ADAMTSL1: variants seen among roughly 807,000 people sequenced by gnomAD.
ADAMTSL1 encodes ADAMTS-like protein 1.
In ADAMTSL1, 126 loss-of-function variants were observed where a neutral mutation model predicts 201.8. The ratio of observed to expected loss-of-function variants is 0.62; its 90% CI spans 0.54 to 0.72. The LOEUF is 0.72. Ranked by LOEUF, ADAMTSL1 falls within the 30% of genes least tolerant of loss-of-function variation. The pLI is 0.00. For missense variants in ADAMTSL1, 2,679 were observed against 2,277.8 expected, an observed-to-expected ratio of 1.18 and a Z score of -3.59; for synonymous variants, 1,121 against 903.4, an observed-to-expected ratio of 1.24 and a Z score of -4.32.
chr9:18,448,618 A>G (rs1820287719), intron 2 of ADAMTSL1, among the ~76,000 whole-genome samples: 1 of 152,210 alleles, frequency 6.6e-6, no homozygotes, highest in Non-Finnish European at 1.5e-5. Flanking sequence ...TGTTTCTGCT[A>G]GAATGTAAAT....
At chr9:18,247,904 G>A (rs1409750618) in intron 2 of ADAMTSL1, among the ~76,000 whole-genome samples, 1 of 151,962 alleles carries the variant, frequency 6.6e-6, no homozygotes, top group African/African-American at 2.4e-5. Context: ...GGATACTAAG[G>A]TAGGAAGCTG....
intron 4 of ADAMTSL1, among the ~76,000 whole-genome samples, chr9:18,577,990 T>C (rs961220186): frequency 1.3e-5 from 2 of 151,402 alleles, no homozygotes; most frequent in Non-Finnish European, 1.5e-5. Flanking sequence ...TTTTCTCTTT[T>C]TTTTTTTTTT....
intron 1 of ADAMTSL1, among the ~76,000 whole-genome samples, chr9:17,944,518 G>A (rs1424237335): frequency 6.6e-6 from 1 of 151,564 alleles, no homozygotes; most frequent in Non-Finnish European, 1.5e-5. Context: ...TCAATCCTAA[G>A]CCAAAAGAAC....
intron 2 of ADAMTSL1, among the ~76,000 whole-genome samples, chr9:18,168,573 C>A (rs1045220276): frequency 1.4e-3 from 210 of 151,560 alleles, no homozygotes; most frequent in South Asian, 1.7e-3. Flanking sequence ...GTGAATAATG[C>A]CGCACTAAAC....
At chr9:18,681,255 C>A (rs950225880) in intron 11 of ADAMTSL1, 1 of 152,354 alleles carries the variant, frequency 6.6e-6, no homozygotes, top group South Asian at 2.1e-4. Context: ...ACATGGGGAA[C>A]CATTAGAGGT....
intron 1 of ADAMTSL1, among the ~76,000 whole-genome samples, chr9:18,100,295 T>G (rs563353064): frequency 1.3e-5 from 2 of 152,236 alleles, no homozygotes; most frequent in South Asian, 4.2e-4. Context: ...CTGTTTTTGT[T>G]TTTGAGAGTC....
chr9:18,488,027 A>G (rs1180067166), intron 1 of ADAMTSL1, among the ~76,000 whole-genome samples: 3 of 152,244 alleles, frequency 2.0e-5, no homozygotes, highest in Admixed American at 1.3e-4. Context: ...ACTTCAGTCT[A>G]TAGCATCTTA....
intron 2 of ADAMTSL1, among the ~76,000 whole-genome samples, chr9:18,212,760 C>T (rs539658072): frequency 6.6e-5 from 10 of 152,242 alleles, no homozygotes; most frequent in Admixed American, 2.6e-4. Flanking sequence ...CAACTTCTAG[C>T]TCTAGGGTGC....
At chr9:18,265,125 A>T (rs909865833) in intron 2 of ADAMTSL1, among the ~76,000 whole-genome samples, 6 of 152,164 alleles carry the variant, frequency 3.9e-5, no homozygotes, top group African/African-American at 1.2e-4. Flanking sequence ...AGGCACTTTA[A>T]ATTCTAGAGC....
At chr9:18,418,498 TTAAG>T (rs1350181481) in intron 2 of ADAMTSL1, among the ~76,000 whole-genome samples, 3 of 152,268 alleles carry the variant, frequency 2.0e-5, no homozygotes, top group South Asian at 2.1e-4. Context: ...TACTAGAAGT[TTAAG>T]TGAGTATAGC....
At chr9:17,933,467 A>G (rs1826882799) in intron 1 of ADAMTSL1, among the ~76,000 whole-genome samples, 1 of 152,134 alleles carries the variant, frequency 6.6e-6, no homozygotes, top group South Asian at 2.1e-4. Context: ...TACCACACCC[A>G]TGGATGGATT....
At chr9:18,206,263 C>T (rs1240377991) in intron 2 of ADAMTSL1, among the ~76,000 whole-genome samples, 1 of 151,910 alleles carries the variant, frequency 6.6e-6, no homozygotes, top group African/African-American at 2.4e-5. Flanking sequence ...TCCTTGCCTT[C>T]TTTGATTTGA....
intron 11 of ADAMTSL1, 115 bp from the exon 12 acceptor site, chr9:18,681,697 T>TGTGTCGGG: frequency 4.2e-6 from 1 of 238,090 alleles, no homozygotes; most frequent in Non-Finnish European, 6.6e-6. Flanking sequence ...AGTCCTCGTG[T>TGTGTCGGG]GGGGGGGGGG....
intron 1 of ADAMTSL1, among the ~76,000 whole-genome samples, chr9:18,159,302 C>G (rs1827288049): frequency 6.6e-6 from 1 of 152,108 alleles, no homozygotes; most frequent in Admixed American, 6.6e-5. Context: ...AATGTTGAAA[C>G]CTAAGTCCTA....
chr9:18,434,094 C>T (rs1224386766), intron 2 of ADAMTSL1, among the ~76,000 whole-genome samples: 1 of 152,192 alleles, frequency 6.6e-6, no homozygotes, highest in Admixed American at 6.5e-5. Flanking sequence ...ATAGCTTCAG[C>T]AGCTTAGAAA....
chr9:18,652,792 T>C (rs1384614272), intron 7 of ADAMTSL1, among the ~76,000 whole-genome samples: 1 of 152,194 alleles, frequency 6.6e-6, no homozygotes, highest in Non-Finnish European at 1.5e-5. Flanking sequence ...TTGAGGAGCA[T>C]CTGTAACCAA....
At chr9:17,913,760 T>C (rs1248269037) in intron 1 of ADAMTSL1, among the ~76,000 whole-genome samples, 1 of 151,848 alleles carries the variant, frequency 6.6e-6, no homozygotes, top group Non-Finnish European at 1.5e-5. Flanking sequence ...ATCAACAAAA[T>C]TGATAGACCG....
At chr9:18,713,249 A>T (rs1490864066) in intron 14 of ADAMTSL1, among the ~76,000 whole-genome samples, 3 of 152,102 alleles carry the variant, frequency 2.0e-5, no homozygotes, top group African/African-American at 7.2e-5. Flanking sequence ...ACACATAACA[A>T]TATTAACTTT....
chr9:17,968,179 G>C (rs1033122854), intron 1 of ADAMTSL1, among the ~76,000 whole-genome samples: 12 of 152,094 alleles, frequency 7.9e-5, no homozygotes, highest in African/African-American at 2.7e-4. Context: ...AAGGTTTTCA[G>C]GTTCATGATC....
Sources: allele counts gnomAD v4.1 joint callset (sites outside exome capture counted in the v4.1 genomes callset), GRCh38; gene constraint gnomAD v4.1.1; transcripts MANE v1.5; gene names NCBI Gene and HGNC (gene_info 2026-07-23, HGNC 2026-07-21).